NXN: variants seen among roughly 807,000 people sequenced by gnomAD.
NXN encodes nucleoredoxin.
Under a neutral mutation model 48.6 loss-of-function variants are expected in NXN, and 16 were observed. That is an observed-to-expected ratio of 0.33 (90% CI 0.22 to 0.50). NXN has a LOEUF of 0.50. Ranked by LOEUF, NXN falls within the 20% of genes least tolerant of loss-of-function variation. The pLI is 0.98. For synonymous variants in NXN, 281 were observed against 269.6 expected, an observed-to-expected ratio of 1.04 and a Z score of -0.41; for missense variants, 492 against 605.5, an observed-to-expected ratio of 0.81 and a Z score of 1.97.
At chr17:807,361 C>T (rs1312246530) in intron 5 of NXN, among the ~76,000 whole-genome samples, 1 of 152,220 alleles carries the variant, frequency 6.6e-6, no homozygotes, top group Non-Finnish European at 1.5e-5. Flanking sequence ...CCTGCGTGTG[C>T]CCCGGCGTGG....
intron 1 of NXN, among the ~76,000 whole-genome samples, chr17:842,994 AAG>A (rs1272596790): frequency 1.8e-5 from 2 of 110,382 alleles, no homozygotes; most frequent in East Asian, 2.6e-4. Context: ...GAAAGAGAGA[AAG>A]AGAGAAAGAG....
chr17:913,938 C>T (rs76261108), intron 1 of NXN, among the ~76,000 whole-genome samples: 195 of 152,274 alleles, frequency 1.3e-3, no homozygotes, highest in Non-Finnish European at 1.6e-3. Context: ...CTCGCCCTGT[C>T]GCCCAGACTG....
At chr17:874,154 C>T (rs1282643353) in intron 1 of NXN, among the ~76,000 whole-genome samples, 1 of 152,154 alleles carries the variant, frequency 6.6e-6, no homozygotes, top group East Asian at 1.9e-4. Flanking sequence ...AGGGACTCGT[C>T]CCCCTTCTGC....
intron 1 of NXN, among the ~76,000 whole-genome samples, chr17:829,012 C>T (rs908476897): frequency 1.3e-5 from 2 of 152,138 alleles, no homozygotes; most frequent in East Asian, 1.9e-4. Flanking sequence ...AAGCTCAGAC[C>T]GTTTTATATT....
chr17:896,217 G>T (rs2068483904), intron 1 of NXN, among the ~76,000 whole-genome samples: 2 of 151,882 alleles, frequency 1.3e-5, no homozygotes, highest in Admixed American at 1.3e-4. Context: ...GCGCATGCCT[G>T]TAATCCCAGC....
At chr17:906,599 C>T (rs1265452723) in intron 1 of NXN, among the ~76,000 whole-genome samples, 1 of 149,874 alleles carries the variant, frequency 6.7e-6, no homozygotes, top group Non-Finnish European at 1.5e-5. Flanking sequence ...GACAGTCTCA[C>T]TCTGTCACCC....
chr17:881,996 G>A (rs1374364067), intron 1 of NXN, among the ~76,000 whole-genome samples: 1 of 151,260 alleles, frequency 6.6e-6, no homozygotes, highest in Admixed American at 6.6e-5. Context: ...AGATGGAAAT[G>A]TTCTTGGTCT....
intron 1 of NXN, among the ~76,000 whole-genome samples, chr17:853,425 C>G (rs73291510): frequency 0.011 from 1,693 of 152,000 alleles, 28 homozygotes; most frequent in African/African-American, 0.039. Flanking sequence ...TCTAACCTGG[C>G]TGACAGAGTG....
chr17:910,433 T>A (rs2068625278), intron 1 of NXN, among the ~76,000 whole-genome samples: 1 of 151,768 alleles, frequency 6.6e-6, no homozygotes, highest in Non-Finnish European at 1.5e-5. Flanking sequence ...AAAGTTCTAA[T>A]CTTTGTAAGT....
chr17:839,069 A>G (rs937301191), intron 1 of NXN, among the ~76,000 whole-genome samples: 1 of 152,248 alleles, frequency 6.6e-6, no homozygotes, highest in South Asian at 2.1e-4. Flanking sequence ...GGATAATAAC[A>G]ACACTGCTTC....
chr17:809,036 G>A (rs1001764159), intron 5 of NXN, among the ~76,000 whole-genome samples: 2 of 151,296 alleles, frequency 1.3e-5, no homozygotes, highest in Non-Finnish European at 2.9e-5. Flanking sequence ...GCAGACATAC[G>A]GAAAACTGGG....
At chr17:817,735 T>G (rs1332249197) in intron 5 of NXN, among the ~76,000 whole-genome samples, 2 of 151,564 alleles carry the variant, frequency 1.3e-5, no homozygotes, top group African/African-American at 4.9e-5. Context: ...TGGGTAAATC[T>G]GGATTTGTCT....
intron 6 of NXN, among the ~76,000 whole-genome samples, chr17:804,500 G>A (rs1911382004): frequency 6.6e-6 from 1 of 152,110 alleles, no homozygotes; most frequent in African/African-American, 2.4e-5. Context: ...AAGGCAGAGG[G>A]CCAGGTTTTG....
intron 1 of NXN, among the ~76,000 whole-genome samples, chr17:871,264 C>T (rs1466964759): frequency 6.6e-6 from 1 of 152,056 alleles, no homozygotes; most frequent in African/African-American, 2.4e-5. Flanking sequence ...CCAGGCACCC[C>T]GAAGCTCCAG....
At position 877,233 on chromosome 17, in the gene NXN, C is replaced by T. The variant is rs374933980; in HGVS notation, c.361-51155G>A. Among the ~76,000 whole-genome samples, 291 of 151,744 alleles carry T rather than the reference C, an allele frequency of 1.9e-3. 2 individuals carry two copies. The highest frequency in any genetic ancestry group is 6.1e-3 in the African/African-American group (254 of 41,370). ...CATGATCTCGGCTCACTGCAAGCTC[C>T]GCCTCCCAGGTTGATGCCATTCTCC... is the stretch of plus-strand genomic sequence containing the variant. On this transcript the variant is annotated intron_variant, in intron 1 of 7. Coordinates refer to ENST00000336868, the MANE Select transcript of NXN (RefSeq NM_022463.5).
chr17:932,330 C>T lies in NXN; in HGVS notation c.360+46989G>A, dbSNP rs570013188. ...CCTGGACGTACGGCTTCCGGGTTGC[C>T]TGGGAACTGTTGCTAGAATTGCAAA... On this transcript the variant is annotated intron_variant, in intron 1 of 7. Coordinates refer to ENST00000336868, the MANE Select transcript of NXN (RefSeq NM_022463.5). This position sits in a 1 kb window ranked among gnomAD's most constrained non-coding sequence, Gnocchi z 4.1. Among the ~76,000 whole-genome samples, 37 of 152,136 alleles carry T rather than the reference C, an allele frequency of 2.4e-4. No individual in the cohort carries two copies. The highest frequency in any genetic ancestry group is 4.0e-4 in the Non-Finnish European group (27 of 68,036).
intron 1 of NXN, among the ~76,000 whole-genome samples, chr17:962,059 C>T (rs998665664): frequency 6.6e-6 from 1 of 152,204 alleles, no homozygotes; most frequent in East Asian, 1.9e-4. Flanking sequence ...CACTTGAACC[C>T]GGGAGGTGGA....
intron 1 of NXN, among the ~76,000 whole-genome samples, chr17:845,920 G>A (rs185424130): frequency 3.3e-5 from 5 of 152,188 alleles, no homozygotes; most frequent in Admixed American, 1.3e-4. Context: ...AAAATTAGCC[G>A]GGTGTGGTGG....
chr17:945,882 T>TATAA (rs1470176355), intron 1 of NXN, among the ~76,000 whole-genome samples: 2 of 151,974 alleles, frequency 1.3e-5, no homozygotes, highest in Non-Finnish European at 2.9e-5. Flanking sequence ...GGTGTGCCTT[T>TATAA]AGGGTTAGGC....
Sources: allele counts gnomAD v4.1 joint callset (sites outside exome capture counted in the v4.1 genomes callset), GRCh38; gene constraint gnomAD v4.1.1; non-coding constraint Gnocchi (gnomAD v3.1); transcripts MANE v1.5; gene names NCBI Gene and HGNC (gene_info 2026-07-23, HGNC 2026-07-21).